Variants in PPP1R1A observed in about 807,000 individuals in gnomAD.
PPP1R1A encodes the protein protein phosphatase 1 regulatory subunit 1A.
In PPP1R1A, 18 loss-of-function variants were observed where a neutral mutation model predicts 23.9. The ratio of observed to expected loss-of-function variants is 0.75; its 90% CI spans 0.52 to 1.12. The LOEUF (loss-of-function observed/expected upper bound fraction) is 1.12. Ranked by LOEUF, PPP1R1A falls within the 50% of genes most tolerant of loss-of-function variation. The pLI is 0.00. For synonymous variants in PPP1R1A, 84 were observed against 80.7 expected, an observed-to-expected ratio of 1.04 and a Z score of -0.22; for missense variants, 207 against 223.8, an observed-to-expected ratio of 0.92 and a Z score of 0.48.
In PPP1R1A at chr12:54,584,260, C is replaced by T. The variant is rs1247779632; in HGVS notation, c.145G>A (p.Glu49Lys). ...LVLTSDQSSP[E>K]IDEDRIPNPH... ...TTCAGCAACCTATCCCTTGGCTTAC[C>T]TGGGGATGACTGGTCACTGGTCAGC... The change falls in exon 2 of 7, where the codon GAG (glutamate) becomes AAG (lysine). Residue 49 changes from glutamate (E) to lysine (K), a missense_variant and splice_region_variant. Transcript: ENST00000257905. 1 of 1,599,746 alleles carries T rather than the reference C, an allele frequency of 6.3e-7. No homozygotes were observed. The highest frequency in any genetic ancestry group is 2.2e-5 in the East Asian group (1 of 44,488).
rs1470033445 is a variant in PPP1R1A, at chr12:54,581,519, C to T, written c.403+457G>A. Among the ~76,000 whole-genome samples, 1 of 152,202 alleles carries T rather than the reference C, an allele frequency of 6.6e-6. No individual in the cohort carries two copies. Among genetic ancestry groups the T allele is most frequent in the Non-Finnish European group, 1.5e-5 (1 of 68,038 alleles). ...GGATAAGGGACATAGCGCACTGCTACCAGCTTCCACTTATTGCATGCTCTG... is the reference window on the plus strand; with the variant it reads ...GGATAAGGGACATAGCGCACTGCTATCAGCTTCCACTTATTGCATGCTCTG... On this transcript the variant is annotated intron_variant, in intron 5 of 6. Coordinates refer to ENST00000257905, the MANE Select transcript of PPP1R1A (RefSeq NM_006741.4). This position sits in a 1 kb window ranked among gnomAD's most constrained non-coding sequence, Gnocchi z 4.1.
chr12:54,585,467 T>G (rs1048840943), intron 1 of PPP1R1A, among the ~76,000 whole-genome samples: 2 of 151,294 alleles, frequency 1.3e-5, no homozygotes, highest in African/African-American at 4.9e-5. Flanking sequence ...TCCTGGGAGG[T>G]GTAGTTTTCC....
chr12:54,582,906 C>T, intron 3 of PPP1R1A, 111 bp from the exon 4 acceptor site: 1 of 1,176,994 alleles, frequency 8.5e-7, no homozygotes, highest in Non-Finnish European at 1.2e-6. Context: ...TCCTCCTCTG[C>T]CTTGCCAGGC....
intron 1 of PPP1R1A, among the ~76,000 whole-genome samples, chr12:54,585,827 T>G (rs1957904627): frequency 2.1e-5 from 3 of 142,360 alleles, no homozygotes; most frequent in Non-Finnish European, 3.1e-5. Flanking sequence ...TGGGGGTATG[T>G]GGGGGTAGGG....
Position 54,581,947 on chromosome 12 carries a change from G to A in PPP1R1A, c.403+29C>T. On this transcript the variant is annotated intron_variant, in intron 5 of 6. Transcript: ENST00000257905. The surrounding 1 kb of genome is among the most constrained non-coding windows in gnomAD (Gnocchi z 4.1). ...CTCCTGCTGGGCTGGGAAATAGGAT[G>A]CCTGGGGCCCTCCCCAGCCTGAACA... 1 of 1,588,326 alleles carries A rather than the reference G, an allele frequency of 6.3e-7. No homozygotes were observed. Among genetic ancestry groups the A allele is most frequent in the Non-Finnish European group, 8.6e-7 (1 of 1,165,992 alleles).
chr12:54,579,951 T>C lies in PPP1R1A; in HGVS notation c.*436A>G. The C allele has an allele frequency of 1.0e-6, 1 of 994,490 alleles. No individual in the cohort carries two copies. Among genetic ancestry groups the C allele is most frequent in the Non-Finnish European group, 1.2e-6 (1 of 835,300 alleles). 61.6% of individuals were successfully genotyped at this position (994,490 alleles called of 1,614,324 possible). A position where few individuals can be genotyped will look rare whatever the true frequency, so the allele number is the denominator to read the frequency against. On this transcript the variant is annotated 3_prime_UTR_variant, in exon 7 of 7. Coordinates refer to ENST00000257905, the MANE Select transcript of PPP1R1A (RefSeq NM_006741.4). ...GGCACAGGCCTTAGAGCGCCGAGTC[T>C]TCCAGCTGCAGGGCAGGCCTGTGAG...
intron 1 of PPP1R1A, 71 bp downstream of exon 1, chr12:54,588,334 G>A: frequency 7.7e-7 from 1 of 1,296,570 alleles, no homozygotes; most frequent in South Asian, 1.5e-5. Context: ...CAGGGATCCT[G>A]GGTCCCACCA....
chr12:54,585,523 G>A (rs896048045), intron 1 of PPP1R1A, among the ~76,000 whole-genome samples: 1 of 152,158 alleles, frequency 6.6e-6, no homozygotes, highest in African/African-American at 2.4e-5. Context: ...GTGGAAGGAT[G>A]GGGGTTAGAG....
Position 54,579,774 on chromosome 12 carries a change from T to A in PPP1R1A, c.*613A>T. On this transcript the variant is annotated 3_prime_UTR_variant, in exon 7 of 7. Transcript: ENST00000257905. The stretch of plus-strand genomic sequence containing the variant: ...GGAAGAGGGAACACATCCTGAAGCT[T>A]GGGAATCCAAAAGGAAGGCAGCTGG... 3.0e-6 allele frequency: 3 copies of A among 985,622 alleles called. No individual in the cohort carries two copies. The highest frequency in any genetic ancestry group is 3.6e-6 in the Non-Finnish European group (3 of 830,114). 61.1% of individuals were successfully genotyped at this position (985,622 alleles called of 1,614,324 possible). A position where few individuals can be genotyped will look rare whatever the true frequency, so the allele number is the denominator to read the frequency against.
chr12:54,579,253 G>T lies in PPP1R1A; in HGVS notation c.*1134C>A. 4.1e-6 allele frequency: 4 copies of T among 985,196 alleles called. No homozygotes were observed. Among genetic ancestry groups the T allele is most frequent in the Non-Finnish European group, 4.8e-6 (4 of 829,914 alleles). The allele number at this position is 985,196 out of a possible 1,614,324, so 61.0% of individuals were successfully genotyped here. On this transcript the variant is annotated 3_prime_UTR_variant, in exon 7 of 7. Transcript: ENST00000257905. ...AGGGAGACCAGGCCTGACTGTGTGT[G>T]TTCACTGGGTACAAGTTGACCAAGC... is the stretch of plus-strand genomic sequence containing the variant.
At chr12:54,583,281 G>T in intron 2 of PPP1R1A, 33 bp from the exon 3 acceptor site, 1 of 1,473,896 alleles carries the variant, frequency 6.8e-7, no homozygotes, top group Non-Finnish European at 9.0e-7. Context: ...AGGGTGATAA[G>T]GACAGGAAAC....
At chr12:54,585,847 C>T (rs1957905080) in intron 1 of PPP1R1A, among the ~76,000 whole-genome samples, 1 of 152,070 alleles carries the variant, frequency 6.6e-6, no homozygotes, top group African/African-American at 2.4e-5. Flanking sequence ...GCATCATTTT[C>T]CCAGGAGAAT....
chr12:54,588,461 T>C lies in PPP1R1A; in HGVS notation c.28A>G (p.Ile10Val), dbSNP rs1487483276. ...TCCAGCAGCGGGACCGTGAACTGGA[T>C]CTTTCGGGGGCTGTTGTCTTGCTCC... Reference protein sequence around the residue: MEQDNSPRKIQFTVPLLEPH... With the variant: MEQDNSPRKVQFTVPLLEPH... Residue 10 changes from isoleucine to valine, a missense_variant, in exon 1 of 7, where the codon ATC becomes GTC. Coordinates refer to ENST00000257905, the MANE Select transcript of PPP1R1A (RefSeq NM_006741.4). 2 of 1,479,224 alleles carry C rather than the reference T, an allele frequency of 1.4e-6. No individual in the cohort carries two copies. 91.6% of individuals were successfully genotyped at this position (1,479,224 alleles called of 1,614,324 possible). A position where few individuals can be genotyped will look rare whatever the true frequency, so the allele number is the denominator to read the frequency against.
chr12:54,588,256 A>AGCCCCCCCCCC, intron 1 of PPP1R1A, 149 bp downstream of exon 1: 1 of 180,668 alleles, frequency 5.5e-6, no homozygotes, highest in Non-Finnish European at 1.1e-5. Flanking sequence ...GGGACAGAAG[A>AGCCCCCCCCCC]CCCCCCCCCG....
intron 2 of PPP1R1A, 89 bp from the exon 3 acceptor site, chr12:54,583,337 G>T: frequency 8.1e-7 from 1 of 1,231,684 alleles, no homozygotes; most frequent in Non-Finnish European, 1.1e-6. Flanking sequence ...GGATTCTGCA[G>T]CCATGCTCCT....
At chr12:54,584,574 C>A (rs2121211233) in intron 1 of PPP1R1A, among the ~76,000 whole-genome samples, 1 of 152,184 alleles carries the variant, frequency 6.6e-6, no homozygotes, top group South Asian at 2.1e-4. Context: ...ACAATAGACA[C>A]TGGGGAATAA....
In PPP1R1A at chr12:54,582,425, G is replaced by A. The variant is rs570820015; in HGVS notation, c.248-294C>T. On this transcript the variant is annotated intron_variant, in intron 4 of 6. Transcript: ENST00000257905. Reference sequence around the variant, plus strand: ...TACATGGTCTTCCCTGGGGGAAGGTGGAAAGGCTCAATTTAGATTCAAGAA... The same window carrying A: ...TACATGGTCTTCCCTGGGGGAAGGTAGAAAGGCTCAATTTAGATTCAAGAA... Among the ~76,000 whole-genome samples, 4 of 152,308 alleles carry A rather than the reference G, an allele frequency of 2.6e-5. No individual in the cohort carries two copies. The South Asian group carries it at 8.3e-4, about 32-fold the overall frequency.
At chr12:54,580,901 G>T in intron 6 of PPP1R1A, 43 bp downstream of exon 6, 1 of 1,471,304 alleles carries the variant, frequency 6.8e-7, no homozygotes, top group Non-Finnish European at 9.5e-7. Context: ...CACAATATTA[G>T]CCTCCTCTCC....
intron 4 of PPP1R1A, 69 bp from the exon 5 acceptor site, chr12:54,582,200 A>T: frequency 6.8e-7 from 1 of 1,471,786 alleles, no homozygotes; most frequent in African/African-American, 1.4e-5. Flanking sequence ...GGGCCTCCGG[A>T]TTCAACAGCC....
Sources: gnomAD v4.1 joint callset for allele counts (sites outside exome capture counted in the v4.1 genomes callset) on GRCh38, gnomAD v4.1.1 for gene constraint, Gnocchi (gnomAD v3.1) non-coding constraint, MANE v1.5 for transcripts, NCBI Gene and HGNC (gene_info 2026-07-23, HGNC 2026-07-21) for gene names.